Variants in ADARB2 observed in about 807,000 individuals in gnomAD.
ADARB2 encodes the protein inactive double-stranded RNA-specific editase B2.
A neutral mutation model predicts 62.2 loss-of-function variants in ADARB2; 25 were observed. The observed-to-expected ratio is 0.40, with a 90% CI of 0.29 to 0.56. ADARB2 has a LOEUF of 0.56. Among genes scored for constraint, ADARB2 ranks in the 20% least tolerant of loss-of-function variants. The pLI is 0.43. For synonymous variants in ADARB2, 572 were observed against 500.8 expected (o/e 1.14, Z -1.90); for missense variants, 1,071 against 1,077.4 (o/e 0.99, Z 0.08).
chr10:1,248,902 G>A (rs1252975138), intron 4 of ADARB2, among the ~76,000 whole-genome samples: 1 of 152,204 alleles, frequency 6.6e-6, no homozygotes, highest in Admixed American at 6.5e-5. Flanking sequence ...GAACCTTCAA[G>A]TAGCAGATGG....
intron 2 of ADARB2, among the ~76,000 whole-genome samples, chr10:1,368,863 C>CTCCCTGTG (rs1832337886): frequency 1.4e-4 from 2 of 14,682 alleles, no homozygotes; most frequent in Admixed American, 1.2e-3. Flanking sequence ...GAGCCGAGCT[C>CTCCCTGTG]GCCCTGTGGC....
At chr10:1,266,907 G>C (rs1324577528) in intron 4 of ADARB2, among the ~76,000 whole-genome samples, 1 of 151,952 alleles carries the variant, frequency 6.6e-6, no homozygotes, top group Non-Finnish European at 1.5e-5. Flanking sequence ...GGGAAAGGCA[G>C]TTTATGAGCT....
At chr10:1,387,251 C>T (rs181538535) in intron 1 of ADARB2, among the ~76,000 whole-genome samples, 42 of 151,562 alleles carry the variant, frequency 2.8e-4, no homozygotes, top group African/African-American at 8.9e-4. Context: ...GAGGAAGAAA[C>T]TACTAAAATT....
chr10:1,712,367 G>T (rs1190153533), intron 1 of ADARB2, among the ~76,000 whole-genome samples: 1 of 151,846 alleles, frequency 6.6e-6, no homozygotes. Flanking sequence ...AAAATTACCT[G>T]GTTTCATGGC....
At chr10:1,728,078 T>C (rs1835189653) in intron 1 of ADARB2, among the ~76,000 whole-genome samples, 1 of 152,228 alleles carries the variant, frequency 6.6e-6, no homozygotes, top group South Asian at 2.1e-4. Flanking sequence ...AGGAAGAGAC[T>C]TGGAAGTTAT....
chr10:1,460,010 G>A (rs1418417576), intron 1 of ADARB2, among the ~76,000 whole-genome samples: 3 of 103,210 alleles, frequency 2.9e-5, no homozygotes, highest in East Asian at 5.2e-4. Context: ...GTTTACCTGC[G>A]TAACAAACCT....
chr10:1,417,016 G>A lies in ADARB2; in HGVS notation c.101-37856C>T, dbSNP rs142453791. ...TGTTTGAGAAACTGTGTGGATGGTG[G>A]CCTGCAGTGTAGACCAGATAGTCAG... On this transcript the variant is annotated intron_variant, in intron 1 of 9. Transcript: ENST00000381312. Among the ~76,000 whole-genome samples the A allele has an allele frequency of 4.0e-3, 613 of 152,304 alleles. 4 individuals are homozygous for A. The highest frequency in any genetic ancestry group is 0.014 in the African/African-American group (578 of 41,568).
intron 4 of ADARB2, among the ~76,000 whole-genome samples, chr10:1,261,277 GGCAACAAAAGACAAAA>G (rs1275996219): frequency 2.7e-5 from 4 of 150,222 alleles, no homozygotes; most frequent in African/African-American, 9.9e-5. Context: ...CAACAGCAAT[GGCAACAAAAGACAAAA>G]TTGACAAATG....
chr10:1,668,207 C>T (rs1834337486), intron 1 of ADARB2, among the ~76,000 whole-genome samples: 1 of 152,214 alleles, frequency 6.6e-6, no homozygotes, highest in African/African-American at 2.4e-5. Flanking sequence ...CAGTCTCTCT[C>T]TCCGGTTGCA....
At chr10:1,224,346 T>G (rs1379664998) in intron 6 of ADARB2, among the ~76,000 whole-genome samples, 2 of 146,548 alleles carry the variant, frequency 1.4e-5, no homozygotes, top group Non-Finnish European at 3.0e-5. Flanking sequence ...TAGTGGTCTA[T>G]CACATTTTGT....
rs184649066 is a variant in ADARB2 at position 1,343,286 on chromosome 10, G to A, written c.1077+19742C>T. On this transcript the variant is annotated intron_variant, in intron 3 of 9. Coordinates refer to ENST00000381312, the MANE Select transcript of ADARB2 (RefSeq NM_018702.4). ...AAAAGCTCAACATCACTGATCATTA[G>A]AGAAATGCAAATCAAAACCACAATG... Among the ~76,000 whole-genome samples, 14 of 152,270 alleles carry A rather than the reference G, an allele frequency of 9.2e-5. 1 individual carries two copies. In the Middle Eastern group the frequency reaches 0.017, roughly 185 times the overall value.
chr10:1,523,763 C>A (rs766636651), intron 1 of ADARB2, among the ~76,000 whole-genome samples: 28 of 152,168 alleles, frequency 1.8e-4, no homozygotes, highest in Admixed American at 3.3e-4. Flanking sequence ...GCTCCCCATC[C>A]CAGTTTCACC....
intron 1 of ADARB2, among the ~76,000 whole-genome samples, chr10:1,734,420 T>A (rs941888238): frequency 6.6e-6 from 1 of 152,136 alleles, no homozygotes; most frequent in African/African-American, 2.4e-5. Context: ...GAAAGTATTG[T>A]GTCCTGACCA....
intron 1 of ADARB2, among the ~76,000 whole-genome samples, chr10:1,485,123 T>A (rs573465865): frequency 6.6e-6 from 1 of 152,232 alleles, no homozygotes; most frequent in South Asian, 2.1e-4. Context: ...TGTAGATACC[T>A]GTGTAGGTAT....
intron 3 of ADARB2, chr10:1,290,493 G>C (rs1366936785): frequency 5.9e-5 from 9 of 152,388 alleles, no homozygotes; most frequent in African/African-American, 2.2e-4. Flanking sequence ...CACAGGCTCA[G>C]GCAGTTGGTG....
intron 8 of ADARB2, among the ~76,000 whole-genome samples, chr10:1,186,237 A>G (rs910758997): frequency 6.6e-6 from 1 of 152,214 alleles, no homozygotes; most frequent in African/African-American, 2.4e-5. Flanking sequence ...ACTTCTTCCC[A>G]TGCCCAGGGC....
chr10:1,561,702 C>T (rs557976039), intron 1 of ADARB2, among the ~76,000 whole-genome samples: 1 of 152,142 alleles, frequency 6.6e-6, no homozygotes, highest in Non-Finnish European at 1.5e-5. Flanking sequence ...AAATGAATCT[C>T]ATGCACCGTA....
chr10:1,661,764 C>T (rs1255900657), intron 1 of ADARB2, among the ~76,000 whole-genome samples: 2 of 152,194 alleles, frequency 1.3e-5, no homozygotes, highest in African/African-American at 4.8e-5. Context: ...ACTCCCATTG[C>T]ACAGACAGAT....
rs145817155 is a variant in ADARB2, at chr10:1,244,833, G to T, written c.1193-2534C>A. ...GCGTCCTAGGCAGAGTGGGCATGGTGGTCAGAGGCACGGATAGGAAAGGGC... is the reference window on the plus strand; with the variant it reads ...GCGTCCTAGGCAGAGTGGGCATGGTTGTCAGAGGCACGGATAGGAAAGGGC... On this transcript the variant is annotated intron_variant, in intron 4 of 9. Transcript: ENST00000381312. Among the ~76,000 whole-genome samples the T allele has an allele frequency of 2.5e-3, 376 of 152,316 alleles. 1 individual carries two copies. Among genetic ancestry groups the T allele is most frequent in the African/African-American group, 8.7e-3 (360 of 41,570 alleles).
Sources: allele counts gnomAD v4.1 joint callset (sites outside exome capture counted in the v4.1 genomes callset), GRCh38; gene constraint gnomAD v4.1.1; transcripts MANE v1.5; gene names NCBI Gene and HGNC (gene_info 2026-07-23, HGNC 2026-07-21).